ADK: variants seen among roughly 807,000 people sequenced by gnomAD.
ADK encodes the protein N6,N6-dimethyladenosine kinase.
In ADK, 24 loss-of-function variants were observed where a neutral mutation model predicts 44.7. That is an observed-to-expected ratio of 0.54 (90% CI 0.39 to 0.76). The LOEUF is 0.76. ADK is among the 30% of genes least tolerant of loss of function. The pLI, the probability that ADK is intolerant of heterozygous loss-of-function variation, is 0.00. For missense variants in ADK, 321 were observed against 425.1 expected (o/e 0.76, Z 2.15); for synonymous variants, 128 against 142.6 (o/e 0.90, Z 0.73).
At chr10:74,419,247 A>G (rs1844474407) in intron 6 of ADK, among the ~76,000 whole-genome samples, 2 of 152,110 alleles carry the variant, frequency 1.3e-5, no homozygotes, top group Admixed American at 1.3e-4. Flanking sequence ...AAAGCACTCT[A>G]TTGCAAAAAT....
chr10:74,329,898 A>T (rs1487949378), intron 4 of ADK, among the ~76,000 whole-genome samples: 1 of 152,216 alleles, frequency 6.6e-6, no homozygotes, highest in Non-Finnish European at 1.5e-5. Flanking sequence ...GTGATGGCTC[A>T]CGCTTATAAT....
chr10:74,421,483 A>T (rs1844554490), intron 6 of ADK, among the ~76,000 whole-genome samples: 2 of 152,208 alleles, frequency 1.3e-5, no homozygotes, highest in African/African-American at 4.8e-5. Context: ...AGATGGATAG[A>T]TGCAGAAATA....
chr10:74,639,869 CAA>C (rs924732164), intron 9 of ADK, among the ~76,000 whole-genome samples: 5 of 152,118 alleles, frequency 3.3e-5, no homozygotes, highest in Non-Finnish European at 7.4e-5. Flanking sequence ...AAACAAAAAA[CAA>C]AACAAAAACA....
intron 3 of ADK, among the ~76,000 whole-genome samples, chr10:74,302,768 C>A (rs1166229376): frequency 6.6e-6 from 1 of 152,074 alleles, no homozygotes; most frequent in Non-Finnish European, 1.5e-5. Context: ...TGCACTCCAG[C>A]CTCCATTACA....
intron 4 of ADK, among the ~76,000 whole-genome samples, chr10:74,387,078 A>G (rs1012986941): frequency 1.3e-5 from 2 of 152,234 alleles, no homozygotes; most frequent in Non-Finnish European, 2.9e-5. Flanking sequence ...CTGGGATTAC[A>G]GGCATGTGCC....
chr10:74,373,286 C>T (rs894785451), intron 4 of ADK, among the ~76,000 whole-genome samples: 5 of 151,842 alleles, frequency 3.3e-5, no homozygotes, highest in African/African-American at 1.2e-4. Flanking sequence ...AGATAGGTCA[C>T]CAAAAGCATG....
chr10:74,578,007 T>C (rs1390493097), intron 7 of ADK, among the ~76,000 whole-genome samples: 3 of 152,152 alleles, frequency 2.0e-5, no homozygotes, highest in Non-Finnish European at 2.9e-5. Context: ...GTAGAGTAAG[T>C]TACGGCCATT....
chr10:74,685,128 A>T (rs958412431), intron 10 of ADK, among the ~76,000 whole-genome samples: 1 of 152,198 alleles, frequency 6.6e-6, no homozygotes, highest in Non-Finnish European at 1.5e-5. Flanking sequence ...AAAATCACCC[A>T]CCTAGAAAAT....
chr10:74,185,138 T>C (rs943377446), intron 1 of ADK, among the ~76,000 whole-genome samples: 1 of 152,236 alleles, frequency 6.6e-6, no homozygotes, highest in African/African-American at 2.4e-5. Context: ...AAAATTGTTA[T>C]ATAAGTGTTA....
chr10:74,626,788 G>T (rs1457783603), intron 9 of ADK, among the ~76,000 whole-genome samples: 3 of 152,074 alleles, frequency 2.0e-5, no homozygotes, highest in Non-Finnish European at 4.4e-5. Flanking sequence ...GGTATCTAGG[G>T]CTTAAGGAAG....
chr10:74,258,947 G>GTTTTTTT (rs141424052), intron 3 of ADK, among the ~76,000 whole-genome samples: 5 of 96,126 alleles, frequency 5.2e-5, no homozygotes, highest in Non-Finnish European at 1.0e-4. Flanking sequence ...TTGTTTTTGT[G>GTTTTTTT]TTTTTTTTTT....
intron 9 of ADK, among the ~76,000 whole-genome samples, chr10:74,644,571 C>T: frequency 6.6e-6 from 1 of 152,112 alleles, no homozygotes; most frequent in Non-Finnish European, 1.5e-5. Context: ...TCTTGCTCTG[C>T]CACCCAGGCT....
At chr10:74,531,446 T>C (rs947843025) in intron 7 of ADK, among the ~76,000 whole-genome samples, 13 of 152,246 alleles carry the variant, frequency 8.5e-5, no homozygotes, top group African/African-American at 3.1e-4. Context: ...CTGTTTAGAT[T>C]ATTAAAGAAA....
intron 4 of ADK, among the ~76,000 whole-genome samples, chr10:74,331,408 A>G (rs1387076720): frequency 6.6e-6 from 1 of 152,040 alleles, no homozygotes. Context: ...AGGCCAGAAT[A>G]ATTTAATCAT....
At position 74,224,501 on chromosome 10, in the gene ADK, G is replaced by A. The variant is rs751992871; in HGVS notation, c.141-37G>A. ...CAGCTAACTTACGTTGACACTGTGT[G>A]TGTATGAAGAGTGTAATTTTCGTTT... On this transcript the variant is annotated intron_variant, in intron 2 of 10. Transcript: ENST00000539909. 5.8e-6 allele frequency: 9 copies of A among 1,557,708 alleles called. No individual in the cohort carries two copies. The South Asian group carries it at 8.9e-5, about 15-fold the overall frequency.
intron 4 of ADK, among the ~76,000 whole-genome samples, chr10:74,351,631 T>C (rs1313348607): frequency 2.0e-5 from 3 of 152,124 alleles, no homozygotes; most frequent in Admixed American, 2.0e-4. Flanking sequence ...TCAGATTGTC[T>C]CTGTTTGCAG....
intron 7 of ADK, among the ~76,000 whole-genome samples, chr10:74,551,784 A>G (rs1850042718): frequency 6.6e-6 from 1 of 152,154 alleles, no homozygotes; most frequent in South Asian, 2.1e-4. Context: ...TTATAGATTC[A>G]TGCATATAAT....
intron 9 of ADK, among the ~76,000 whole-genome samples, chr10:74,629,369 A>G (rs754726915): frequency 6.6e-6 from 1 of 152,086 alleles, no homozygotes; most frequent in Admixed American, 6.6e-5. Context: ...TGTTACCCCA[A>G]CTGTATAAGT....
intron 6 of ADK, among the ~76,000 whole-genome samples, chr10:74,518,379 C>A (rs1225539048): frequency 1.3e-5 from 2 of 152,130 alleles, no homozygotes; most frequent in African/African-American, 4.8e-5. Context: ...TATTTTTCTT[C>A]TATAAATAGT....
Sources: gnomAD v4.1 joint callset for allele counts (sites outside exome capture counted in the v4.1 genomes callset) on GRCh38, gnomAD v4.1.1 for gene constraint, MANE v1.5 for transcripts, NCBI Gene and HGNC (gene_info 2026-07-23, HGNC 2026-07-21) for gene names.